Variants in CCSER1 observed in about 807,000 individuals in gnomAD.
CCSER1 encodes the protein serine-rich coiled-coil domain-containing protein 1.
Under a neutral mutation model 82.0 loss-of-function variants are expected in CCSER1, and 41 were observed. That is an observed-to-expected ratio of 0.50 (90% CI 0.39 to 0.65). The LOEUF (loss-of-function observed/expected upper bound fraction) is 0.65, where lower values mean the gene tolerates loss of function less well. Among genes scored for constraint, CCSER1 ranks in the 30% least tolerant of loss-of-function variants. The pLI is 0.00. For synonymous variants in CCSER1, 414 were observed against 383.9 expected (o/e 1.08, Z -0.92); for missense variants, 1,119 against 1,064.2 (o/e 1.05, Z -0.72).
At chr4:91,167,566 T>C (rs1732229769) in intron 10 of CCSER1, among the ~76,000 whole-genome samples, 1 of 152,224 alleles carries the variant, frequency 6.6e-6, no homozygotes, top group Non-Finnish European at 1.5e-5. Context: ...TACAACTTAC[T>C]TTATGTAAAT....
At chr4:90,466,862 T>C (rs1346203164) in intron 4 of CCSER1, among the ~76,000 whole-genome samples, 1 of 152,168 alleles carries the variant, frequency 6.6e-6, no homozygotes, top group Non-Finnish European at 1.5e-5. Context: ...CTTATTGATA[T>C]TTTTCCAATA....
intron 7 of CCSER1, among the ~76,000 whole-genome samples, chr4:90,749,587 A>T (rs2149477207): frequency 6.6e-6 from 1 of 152,212 alleles, no homozygotes; most frequent in Non-Finnish European, 1.5e-5. Context: ...AGTCATTGGT[A>T]GCTTGATGGG....
At chr4:90,507,307 C>CAAA (rs370681733) in intron 5 of CCSER1, among the ~76,000 whole-genome samples, 16 of 118,218 alleles carry the variant, frequency 1.4e-4, no homozygotes, top group African/African-American at 3.5e-4. Flanking sequence ...CTGAAAAATG[C>CAAA]AAAAAAAAAA....
chr4:90,370,210 C>G (rs962248338), intron 3 of CCSER1: 1 of 152,104 alleles, frequency 6.6e-6, no homozygotes, highest in Non-Finnish European at 1.5e-5. Flanking sequence ...GGGCACCTGC[C>G]TCTTACTTCA....
At chr4:90,526,623 T>G (rs1373500244) in intron 5 of CCSER1, among the ~76,000 whole-genome samples, 1 of 152,190 alleles carries the variant, frequency 6.6e-6, no homozygotes, top group African/African-American at 2.4e-5. Flanking sequence ...CATGCAGTGT[T>G]TGGTTTTCGG....
At chr4:91,310,638 C>T (rs1019296026) in intron 10 of CCSER1, among the ~76,000 whole-genome samples, 4 of 151,746 alleles carry the variant, frequency 2.6e-5, no homozygotes, top group Non-Finnish European at 1.5e-5. Flanking sequence ...TTGTTCTCTA[C>T]CAAAATGGAG....
chr4:91,578,774 T>G (rs139780749), intron 10 of CCSER1, among the ~76,000 whole-genome samples: 1 of 152,104 alleles, frequency 6.6e-6, no homozygotes, highest in East Asian at 1.9e-4. Flanking sequence ...TCCCATTGTA[T>G]TAACAATATT....
intron 10 of CCSER1, among the ~76,000 whole-genome samples, chr4:91,534,466 T>C (rs1315556555): frequency 1.3e-5 from 2 of 152,064 alleles, no homozygotes; most frequent in African/African-American, 2.4e-5. Context: ...TTGCTTTCTA[T>C]CATGGGCAAT....
At chr4:91,430,192 C>T (rs1004844783) in intron 10 of CCSER1, among the ~76,000 whole-genome samples, 6 of 151,988 alleles carry the variant, frequency 3.9e-5, no homozygotes, top group Admixed American at 3.3e-4. Context: ...ATACAATAAG[C>T]ATTCAAAAGA....
At chr4:90,347,890 A>G (rs1229752523) in intron 3 of CCSER1, among the ~76,000 whole-genome samples, 1 of 152,254 alleles carries the variant, frequency 6.6e-6, no homozygotes, top group Admixed American at 6.5e-5. Flanking sequence ...ACATAGGTCC[A>G]CTGGCTCTGA....
intron 5 of CCSER1, among the ~76,000 whole-genome samples, chr4:90,525,161 T>TCA (rs1215708554): frequency 2.6e-5 from 4 of 152,178 alleles, no homozygotes; most frequent in Non-Finnish European, 5.9e-5. Flanking sequence ...ATCAATAGTT[T>TCA]CATATTCAAA....
At chr4:91,236,908 A>G (rs1739052987) in intron 10 of CCSER1, among the ~76,000 whole-genome samples, 1 of 152,176 alleles carries the variant, frequency 6.6e-6, no homozygotes, top group South Asian at 2.1e-4. Context: ...AATCAGCTGT[A>G]CCTTTTCAAT....
intron 9 of CCSER1, among the ~76,000 whole-genome samples, chr4:90,955,289 C>T (rs1438395094): frequency 1.3e-5 from 2 of 152,110 alleles, no homozygotes; most frequent in African/African-American, 4.8e-5. Context: ...TGTCACTTTT[C>T]GGGAGTGCTA....
intron 7 of CCSER1, among the ~76,000 whole-genome samples, chr4:90,808,322 T>G (rs1757790673): frequency 6.6e-6 from 1 of 152,084 alleles, no homozygotes; most frequent in South Asian, 2.1e-4. Flanking sequence ...ATTCTGGACA[T>G]TGGCTTAGGC....
chr4:90,368,112 T>A (rs755745876), intron 3 of CCSER1, among the ~76,000 whole-genome samples: 16 of 151,660 alleles, frequency 1.1e-4, no homozygotes, highest in Non-Finnish European at 2.1e-4. Context: ...AAAAGAACAC[T>A]CCAATGCTAT....
intron 10 of CCSER1, among the ~76,000 whole-genome samples, chr4:91,356,803 G>A (rs1218075435): frequency 6.6e-6 from 1 of 152,154 alleles, no homozygotes; most frequent in Admixed American, 6.5e-5. Flanking sequence ...GTTGGGAGAC[G>A]GAAGCTGGAT....
intron 10 of CCSER1, among the ~76,000 whole-genome samples, chr4:91,583,333 T>G (rs1221609003): frequency 6.6e-6 from 1 of 151,358 alleles, no homozygotes. Context: ...TGTTCCTAAG[T>G]ATGTATTATC....
intron 10 of CCSER1, among the ~76,000 whole-genome samples, chr4:91,511,106 T>A (rs993034157): frequency 1.5e-5 from 2 of 132,734 alleles, no homozygotes; most frequent in South Asian, 3.0e-4. Flanking sequence ...TTTGCTTAAT[T>A]TTTTTTTTAT....
chr4:91,098,802 A>G (rs1413417608), intron 10 of CCSER1, among the ~76,000 whole-genome samples: 1 of 152,154 alleles, frequency 6.6e-6, no homozygotes, highest in South Asian at 2.1e-4. Context: ...CGGCCTCCCA[A>G]AGTGCTGGGA....
Sources: gnomAD v4.1 joint callset for allele counts (sites outside exome capture counted in the v4.1 genomes callset) on GRCh38, gnomAD v4.1.1 for gene constraint, MANE v1.5 for transcripts, NCBI Gene and HGNC (gene_info 2026-07-23, HGNC 2026-07-21) for gene names.